Variants in RAPGEF3 observed in about 807,000 individuals in gnomAD.
RAPGEF3 encodes the protein 9330170P05Rik.
A neutral mutation model predicts 129.8 loss-of-function variants in RAPGEF3; 103 were observed. That is an observed-to-expected ratio of 0.79 (90% CI 0.68 to 0.93). The LOEUF is 0.93. Among genes scored for constraint, RAPGEF3 ranks in the 40% least tolerant of loss-of-function variants. The pLI is 0.00. For missense variants in RAPGEF3, 1,117 were observed against 1,207.4 expected, an observed-to-expected ratio of 0.93 and a Z score of 1.11; for synonymous variants, 436 against 482.6, an observed-to-expected ratio of 0.90 and a Z score of 1.26.
At chr12:47,753,358 C>T (rs1327160949) in intron 2 of RAPGEF3, among the ~76,000 whole-genome samples, 3 of 152,232 alleles carry the variant, frequency 2.0e-5, no homozygotes, top group Admixed American at 6.5e-5. Flanking sequence ...CCCTCACCAG[C>T]CACCTCTCTC....
intron 15 of RAPGEF3, among the ~76,000 whole-genome samples, chr12:47,747,237 A>T (rs1941474203): frequency 6.6e-6 from 1 of 152,186 alleles, no homozygotes; most frequent in Non-Finnish European, 1.5e-5. Flanking sequence ...TAGGAAATGT[A>T]CCGGGCGGGA....
intron 7 of RAPGEF3, 76 bp from the exon 8 acceptor site, chr12:47,750,066 T>C: frequency 6.5e-7 from 1 of 1,548,572 alleles, no homozygotes; most frequent in Non-Finnish European, 8.9e-7. Flanking sequence ...AGGGGTGTGG[T>C]TAGGTCCAAA....
chr12:47,748,917 C>G lies in RAPGEF3; in HGVS notation c.1056G>C (p.Lys352Asn). ...TGCCATGTTCTTCCAGCCGCATGGT[C>G]TTTGCCTCCACATCCTGGAGAACAG... Reference protein sequence around the residue: ...FNRIIKDVEAKTMRLEEHGKV... With the variant: ...FNRIIKDVEANTMRLEEHGKV... The change falls in exon 11 of 28, where the codon AAG becomes AAC. Residue 352 changes from lysine (K) to asparagine (N), a missense_variant. Physicochemically the swap from Lys to Asn is moderately conservative, Grantham distance 94. Around this residue, in one of 3 missense-constraint regions of RAPGEF3, gnomAD observed 107 missense variants for 160.7 expected, o/e 0.67. Transcript: ENST00000449771. 6.2e-7 allele frequency: 1 copy of G among 1,613,946 alleles called. No homozygotes were observed. Among genetic ancestry groups the G allele is most frequent in the Middle Eastern group, 1.7e-4 (1 of 6,060 alleles).
chr12:47,743,578 C>T lies in RAPGEF3; in HGVS notation c.1777G>A (p.Asp593Asn). Residue 593 changes from aspartate (D) to asparagine (N), a missense_variant, in exon 18 of 28, where the codon GAT becomes AAT. Coordinates refer to ENST00000449771, the MANE Select transcript of RAPGEF3 (RefSeq NM_001098531.4). ...REVMAALAQE[D>N]GWTKGQVLVK... ...AGCACCTGCCCCTTGGTCCAGCCAT[C>T]CTCCTGGGCCAACGCTGCCATCACC... 1.9e-6 allele frequency: 3 copies of T among 1,614,176 alleles called. No individual in the cohort carries two copies. The highest frequency in any genetic ancestry group is 2.7e-5 in the African/African-American group (2 of 75,066).
intron 5 of RAPGEF3, 53 bp from the exon 6 acceptor site, chr12:47,751,269 G>A: frequency 6.5e-7 from 1 of 1,547,914 alleles, no homozygotes; most frequent in Non-Finnish European, 8.7e-7. Context: ...AGGCTATGTG[G>A]GTATGAAACC....
Position 47,749,989 on chromosome 12 carries a change from A to T in RAPGEF3, c.758T>A (p.Val253Glu), listed in dbSNP as rs1565762269. The change falls in exon 8 of 28, where the codon GTG (valine) becomes GAG (glutamate). Residue 253 changes from valine to glutamate, a missense_variant and splice_region_variant. Val to Glu is a moderately radical substitution (Grantham distance 121, BLOSUM62 -2). Coordinates refer to ENST00000449771, the MANE Select transcript of RAPGEF3 (RefSeq NM_001098531.4). The surrounding 1 kb of genome is among the most constrained non-coding windows in gnomAD (Gnocchi z 4.5). ...CAGAACAGCCGCTAATTCTCGCTTC[A>T]CCTGTGTGGTGGAGATAGGAGAGTC... ...IKAVAHLSNS[V>E]KRELAAVLLF... is the part of the protein sequence containing the mutation. 6.2e-7 allele frequency: 1 copy of T among 1,614,168 alleles called. No homozygotes were observed.
chr12:47,744,159 G>T, intron 16 of RAPGEF3, 91 bp from the exon 17 acceptor site: 1 of 1,098,368 alleles, frequency 9.1e-7, no homozygotes, highest in Non-Finnish European at 1.3e-6. Flanking sequence ...GTCACCAGGA[G>T]CACGGGCGCC....
rs759368702 is a variant in RAPGEF3, at chr12:47,749,352, C to T, written c.1041+38G>A. The T allele has an allele frequency of 2.0e-5, 32 of 1,607,340 alleles. No homozygotes were observed. Among genetic ancestry groups the T allele is most frequent in the African/African-American group, 4.0e-5 (3 of 74,902 alleles). On this transcript the variant is annotated intron_variant, in intron 10 of 27. Transcript: ENST00000449771. This position sits in a 1 kb window ranked among gnomAD's most constrained non-coding sequence, Gnocchi z 4.5. Reference sequence around the variant, plus strand: ...CCTCTCTCCACATCACTTCTCTGGACGAATGGCCCCTGCCCTCCCCAACCC... The same window carrying T: ...CCTCTCTCCACATCACTTCTCTGGATGAATGGCCCCTGCCCTCCCCAACCC...
chr12:47,749,593 T>TG lies in RAPGEF3; in HGVS notation c.895-58dup. 2 of 1,558,636 alleles carry TG rather than the reference T, an allele frequency of 1.3e-6. No homozygotes were observed. The highest frequency in any genetic ancestry group is 4.8e-5 in the East Asian group (2 of 41,320). ...TGCCGCCCCTGCCGCCCCCAGCTCTTGCCAGGACAGACCCACGGCAGGAGA... is the reference window on the plus strand; with the variant it reads ...TGCCGCCCCTGCCGCCCCCAGCTCTTGGCCAGGACAGACCCACGGCAGGAGA... On this transcript the variant is annotated intron_variant, in intron 9 of 27. Transcript: ENST00000449771. This position sits in a 1 kb window ranked among gnomAD's most constrained non-coding sequence, Gnocchi z 4.5.
chr12:47,751,323 T>A (rs1284953437), intron 5 of RAPGEF3, 76 bp downstream of exon 5: 29 of 1,593,842 alleles, frequency 1.8e-5, no homozygotes, highest in Non-Finnish European at 2.5e-5. Flanking sequence ...TAGTGCCTGC[T>A]TCCCAGGACT....
Position 47,749,832 on chromosome 12 carries a change from C to A in RAPGEF3, c.818-15G>T, listed in dbSNP as rs557734541. The A allele has an allele frequency of 6.2e-7, 1 of 1,614,078 alleles. No homozygotes were observed. Among genetic ancestry groups the A allele is most frequent in the African/African-American group, 1.3e-5 (1 of 74,940 alleles). ...CTGGCTGAACACTGACAGAAGCATA[C>A]CTCAGACCGGGCCCTCCTGGCACCT... On this transcript the variant is annotated splice_polypyrimidine_tract_variant and intron_variant, in intron 8 of 27. Coordinates refer to ENST00000449771, the MANE Select transcript of RAPGEF3 (RefSeq NM_001098531.4). This position sits in a 1 kb window ranked among gnomAD's most constrained non-coding sequence, Gnocchi z 4.5.
chr12:47,748,300 T>G lies in RAPGEF3; in HGVS notation c.1244-148A>C, dbSNP rs376684035. On this transcript the variant is annotated intron_variant, in intron 12 of 27. Transcript: ENST00000449771. ...CAGCCCCTGTGATAGTGCTCCCCAC[T>G]AAGCCAAGAGCACAGGTAAGAGGAC... The G allele has an allele frequency of 1.0e-4, 96 of 958,490 alleles. No homozygotes were observed. In the East Asian group the frequency reaches 1.7e-3, roughly 17 times the overall value. 59.4% of individuals were successfully genotyped at this position (958,490 alleles called of 1,614,324 possible).
intron 2 of RAPGEF3, 30 bp from the exon 3 acceptor site, chr12:47,751,999 A>C: frequency 1.2e-6 from 2 of 1,612,468 alleles, no homozygotes; most frequent in Non-Finnish European, 8.5e-7. Flanking sequence ...CGTGCACATC[A>C]GTGTGAGGTC....
Position 47,757,942 on chromosome 12 carries a change from A to G in RAPGEF3, c.143T>C (p.Met48Thr). The change falls in exon 2 of 28, where the codon ATG becomes ACG. Residue 48 changes from methionine to threonine, a missense_variant. Coordinates refer to ENST00000449771, the MANE Select transcript of RAPGEF3 (RefSeq NM_001098531.4). ...GTLLNMVLRR[M>T]HRPRSCSYQL... ...GTAGGAGCAGCTTCGGGGCCGGTGCATCCTTCTCAACACCATGTTGAGTAG... is the reference window on the plus strand; with the variant it reads ...GTAGGAGCAGCTTCGGGGCCGGTGCGTCCTTCTCAACACCATGTTGAGTAG... 1 of 1,558,262 alleles carries G rather than the reference A, an allele frequency of 6.4e-7. No individual in the cohort carries two copies. The highest frequency in any genetic ancestry group is 8.7e-7 in the Non-Finnish European group (1 of 1,150,716).
At position 47,751,952 on chromosome 12, in the gene RAPGEF3, G is replaced by C; in HGVS notation, c.237C>G (p.Ser79Arg). 1.9e-6 allele frequency: 3 copies of C among 1,614,126 alleles called. No homozygotes were observed. The highest frequency in any genetic ancestry group is 1.7e-5 in the Admixed American group (1 of 60,024). ...QGLRWTPLTN[S>R]EESLDFSESL... is the part of the protein sequence containing the mutation. ...TCTCGCTGAAATCCAGGGACTCCTC[G>C]CTGTTGGTGAGTGGTGTCTGGGGGC... is the stretch of plus-strand genomic sequence containing the variant. Residue 79 changes from serine to arginine, a missense_variant, in exon 3 of 28, where the codon AGC becomes AGG. By Grantham distance (110) the Ser-to-Arg change is moderately radical (BLOSUM62 -1). Transcript: ENST00000449771.
Position 47,734,763 on chromosome 12 carries a change from A to G in RAPGEF3, c.*2804T>C, listed in dbSNP as rs988324507. On this transcript the variant is annotated 3_prime_UTR_variant, in exon 28 of 28. Coordinates refer to ENST00000449771, the MANE Select transcript of RAPGEF3 (RefSeq NM_001098531.4). ...GAGGGCTGTTGGAGACACAGAAGCC[A>G]TAAGGCAGCGTGTGAAGGCAGACAT... 4.6e-5 allele frequency: 7 copies of G among 152,316 alleles called. No homozygotes were observed. The highest frequency in any genetic ancestry group is 1.7e-4 in the African/African-American group (7 of 41,482). The allele number at this position is 152,316 out of a possible 1,614,324, so 9.4% of individuals were successfully genotyped here.
intron 15 of RAPGEF3, among the ~76,000 whole-genome samples, 167 bp from the exon 16 acceptor site, chr12:47,747,066 C>A (rs763116628): frequency 6.6e-5 from 10 of 152,050 alleles, no homozygotes; most frequent in Non-Finnish European, 1.2e-4. Flanking sequence ...TGAAACCAGG[C>A]CCCCAGACTT....
Position 47,741,499 on chromosome 12 carries a change from C to G in RAPGEF3, c.1923+6G>C. The G allele has an allele frequency of 1.9e-6, 3 of 1,613,154 alleles. No individual in the cohort carries two copies. Among genetic ancestry groups the G allele is most frequent in the Non-Finnish European group, 2.5e-6 (3 of 1,179,166 alleles). ...CCTGGGCCCTGGCACCCTGCCTGGT[C>G]CCTACCAGCTCATGCACTTCCTGTG... On this transcript the variant is annotated splice_donor_region_variant and intron_variant, in intron 19 of 27. Transcript: ENST00000449771.
intron 18 of RAPGEF3, chr12:47,741,813 T>C (rs11168221): frequency 0.027 from 15,543 of 581,000 alleles, 272 homozygotes; most frequent in Non-Finnish European, 0.036. Flanking sequence ...TGAGGAAAGA[T>C]TCTCAGTGAG....
Sources: allele counts gnomAD v4.1 joint callset (sites outside exome capture counted in the v4.1 genomes callset), GRCh38; gene constraint gnomAD v4.1.1; regional missense constraint gnomAD v4.1.1; non-coding constraint Gnocchi (gnomAD v3.1); transcripts MANE v1.5; gene names NCBI Gene and HGNC (gene_info 2026-07-23, HGNC 2026-07-21).